The following FARP2 variants were observed in gnomAD, a reference collection of about 807,000 sequenced individuals.
The protein encoded by FARP2 is FERM, ARH/RhoGEF and pleckstrin domain protein 2.
FARP2 carries 111 observed loss-of-function variants against 130.5 expected under a neutral mutation model. The observed-to-expected ratio is 0.85, with a 90% CI of 0.73 to 1.00. The LOEUF (loss-of-function observed/expected upper bound fraction) is 1.00, where lower values mean the gene tolerates loss of function less well. Among genes scored for constraint, FARP2 ranks in the 50% least tolerant of loss-of-function variants. The pLI, the probability that FARP2 is intolerant of heterozygous loss-of-function variation, is 0.00. For missense variants in FARP2, 1,385 were observed against 1,346.3 expected, an observed-to-expected ratio of 1.03 and a Z score of -0.45; for synonymous variants, 504 against 516.9, an observed-to-expected ratio of 0.98 and a Z score of 0.34.
Position 241,468,203 on chromosome 2 carries a change from C to T in FARP2, c.1957C>T (p.Arg653Cys), listed in dbSNP as rs200102806. 103 of 1,614,148 alleles carry T rather than the reference C, an allele frequency of 6.4e-5. 1 individual carries two copies. The highest frequency in any genetic ancestry group is 2.1e-4 in the South Asian group (19 of 91,088). Reference sequence around the variant, plus strand: ...AACAGAACTGGAAAAGGCTACCAAACGCTGTAAGAAGTTGGAGGCAGTGTA... The same window carrying T: ...AACAGAACTGGAAAAGGCTACCAAATGCTGTAAGAAGTTGGAGGCAGTGTA... Reference protein sequence around the residue: ...VLTELEKATKRCKKLEAVYKE... With the variant: ...VLTELEKATKCCKKLEAVYKE... Residue 653 changes from arginine to cysteine, a missense_variant, in exon 18 of 27, where the codon CGC (arginine) becomes TGC (cysteine). Physicochemically the swap from Arg to Cys is radical, Grantham distance 180 (BLOSUM62 -3). Transcript: ENST00000264042.
At chr2:241,490,947 C>A in intron 22 of FARP2, 114 bp from the exon 23 acceptor site, 1 of 781,964 alleles carries the variant, frequency 1.3e-6, no homozygotes, top group Non-Finnish European at 2.3e-6. Flanking sequence ...TCTCACCAGG[C>A]AGGACAAAGC....
At chr2:241,473,687 A>G (rs926976141) in intron 18 of FARP2, among the ~76,000 whole-genome samples, 1 of 152,178 alleles carries the variant, frequency 6.6e-6, no homozygotes, top group Non-Finnish European at 1.5e-5. Context: ...GCAAATGGAC[A>G]TGGCGTGATG....
chr2:241,444,894 T>G (rs2063477746), intron 13 of FARP2: 1 of 152,154 alleles, frequency 6.6e-6, no homozygotes. Context: ...AGCTGTGCCT[T>G]TTTTCTTTCC....
intron 19 of FARP2, chr2:241,478,637 C>A: frequency 2.0e-6 from 1 of 504,320 alleles, no homozygotes; most frequent in Non-Finnish European, 4.0e-6. Flanking sequence ...TAACAAAGAC[C>A]TTGTGGAGGA....
At chr2:241,457,260 T>C (rs565027936) in intron 14 of FARP2, among the ~76,000 whole-genome samples, 1 of 152,134 alleles carries the variant, frequency 6.6e-6, no homozygotes, top group Non-Finnish European at 1.5e-5. Context: ...CTTCCCACCT[T>C]CCTCATTTCT....
chr2:241,374,115 G>A (rs1435891670), intron 2 of FARP2, among the ~76,000 whole-genome samples: 3 of 151,344 alleles, frequency 2.0e-5, no homozygotes, highest in South Asian at 2.1e-4. Context: ...GGGCTCAAGC[G>A]ATCCGCCCTC....
At chr2:241,360,007 C>G (rs1046537865) in intron 1 of FARP2, among the ~76,000 whole-genome samples, 2 of 152,158 alleles carry the variant, frequency 1.3e-5, no homozygotes, top group Non-Finnish European at 2.9e-5. Context: ...CTTGATGAAG[C>G]CTCCTCCCTG....
chr2:241,368,732 G>A (rs1399676159), intron 1 of FARP2, among the ~76,000 whole-genome samples: 1 of 151,994 alleles, frequency 6.6e-6, no homozygotes. Flanking sequence ...TCAGTCTCCT[G>A]AGTAGCTGAG....
chr2:241,359,638 G>A (rs1024596989), intron 1 of FARP2, among the ~76,000 whole-genome samples: 13 of 152,194 alleles, frequency 8.5e-5, no homozygotes, highest in South Asian at 2.1e-4. Context: ...GCTAGCCAGC[G>A]GTGCTGCCTC....
intron 18 of FARP2, among the ~76,000 whole-genome samples, chr2:241,470,873 G>A (rs1415991605): frequency 2.0e-5 from 3 of 150,976 alleles, no homozygotes; most frequent in African/African-American, 7.3e-5. Flanking sequence ...GATGCTGTTC[G>A]CAGGGGGATG....
intron 8 of FARP2, among the ~76,000 whole-genome samples, chr2:241,428,065 C>G (rs1165924355): frequency 1.3e-5 from 2 of 151,598 alleles, no homozygotes; most frequent in African/African-American, 2.4e-5. Flanking sequence ...CACGCCCAGC[C>G]TAGGCCCTCG....
chr2:241,402,426 G>A (rs1395286494), intron 2 of FARP2, among the ~76,000 whole-genome samples: 4 of 152,066 alleles, frequency 2.6e-5, no homozygotes, highest in Non-Finnish European at 1.5e-5. Context: ...CATCTAATAA[G>A]AGCAAAATAA....
chr2:241,459,298 C>T lies in FARP2; in HGVS notation c.1587+2376C>T, dbSNP rs1440567248. 2.0e-5 allele frequency among the ~76,000 whole-genome samples: 3 copies of T among 152,202 alleles called. No individual in the cohort carries two copies. Among genetic ancestry groups the T allele is most frequent in the African/African-American group, 7.2e-5 (3 of 41,452 alleles). ...GAGACCCCGGCCCCACATTCACTGA[C>T]GGTTCTGCTGGCAAGGCCTGGCAGA... is the stretch of plus-strand genomic sequence containing the variant. On this transcript the variant is annotated intron_variant, in intron 14 of 26. Coordinates refer to ENST00000264042, the MANE Select transcript of FARP2 (RefSeq NM_014808.4). This position sits in a 1 kb window ranked among gnomAD's most constrained non-coding sequence, Gnocchi z 5.3.
intron 7 of FARP2, 86 bp downstream of exon 7, chr2:241,413,507 T>C: frequency 1.1e-6 from 1 of 912,456 alleles, no homozygotes; most frequent in Middle Eastern, 2.2e-4. Context: ...TTGTCGTGAC[T>C]TCTGCAAGAT....
chr2:241,405,379 A>G (rs956731961), intron 4 of FARP2: 1 of 152,094 alleles, frequency 6.6e-6, no homozygotes, highest in African/African-American at 2.4e-5. Context: ...TCGTTCATCT[A>G]CTTATTAAAT....
intron 1 of FARP2, among the ~76,000 whole-genome samples, chr2:241,366,097 A>AT (rs2061297505): frequency 1.0e-4 from 5 of 47,786 alleles, no homozygotes; most frequent in South Asian, 4.8e-4. Context: ...ACTACTAAAA[A>AT]AAAAAAAATA....
intron 8 of FARP2, among the ~76,000 whole-genome samples, chr2:241,425,759 T>A (rs887842720): frequency 2.1e-4 from 31 of 148,914 alleles, no homozygotes; most frequent in African/African-American, 7.4e-4. Flanking sequence ...TTTTTTTTTT[T>A]TTGAGACAGA....
At chr2:241,418,276 G>A (rs1288377385) in intron 8 of FARP2, among the ~76,000 whole-genome samples, 167 bp downstream of exon 8, 1 of 152,172 alleles carries the variant, frequency 6.6e-6, no homozygotes, top group Non-Finnish European at 1.5e-5. Flanking sequence ...TACTCAGTGG[G>A]AAAATTAATC....
chr2:241,441,291 C>G lies in FARP2; in HGVS notation c.1159-13C>G, dbSNP rs978493192. ...TTATATCCTTTTTTTCTTTTCTTAA[C>G]TTTGGTTCCCAGAGCATCTCATTCC... On this transcript the variant is annotated splice_polypyrimidine_tract_variant and intron_variant, in intron 12 of 26. Transcript: ENST00000264042. 21 of 1,554,170 alleles carry G rather than the reference C, an allele frequency of 1.4e-5. No homozygotes were observed. Among genetic ancestry groups the G allele is most frequent in the Non-Finnish European group, 1.8e-5 (21 of 1,151,110 alleles).
Sources: allele counts gnomAD v4.1 joint callset (sites outside exome capture counted in the v4.1 genomes callset), GRCh38; gene constraint gnomAD v4.1.1; non-coding constraint Gnocchi (gnomAD v3.1); transcripts MANE v1.5; gene names NCBI Gene and HGNC (gene_info 2026-07-23, HGNC 2026-07-21).